NRXN3: variants seen among roughly 807,000 people sequenced by gnomAD.
NRXN3 encodes neurexin 3.
Under a neutral mutation model 137.6 loss-of-function variants are expected in NRXN3, and 32 were observed. That is an observed-to-expected ratio of 0.23 (90% CI 0.18 to 0.31). The LOEUF (loss-of-function observed/expected upper bound fraction) is 0.31. Ranked by LOEUF, NRXN3 falls within the 10% of genes least tolerant of loss-of-function variation. The pLI is 1.00. For missense variants in NRXN3, 1,574 were observed against 2,062.5 expected (o/e 0.76, Z 4.59); for synonymous variants, 798 against 784.5 (o/e 1.02, Z -0.29).
rs182221417 is a variant in NRXN3, at chr14:78,504,792, G to A, written c.758-140328G>A. On this transcript the variant is annotated intron_variant, in intron 4 of 20. Transcript: ENST00000335750. ...TATCTATGTGCTTTCAGTGCTTAAC[G>A]TATACTGTGTGAAATAGTCCTCATA... Among the ~76,000 whole-genome samples, 487 of 152,182 alleles carry A rather than the reference G, an allele frequency of 3.2e-3. 9 individuals are homozygous for A. Among genetic ancestry groups the A allele is most frequent in the African/African-American group, 0.011 (465 of 41,536 alleles).
chr14:79,148,494 A>AG (rs2153022867), intron 15 of NRXN3, among the ~76,000 whole-genome samples: 1 of 152,240 alleles, frequency 6.6e-6, no homozygotes, highest in South Asian at 2.1e-4. Context: ...AGCCTGTTGG[A>AG]CACATTGTTA....
intron 16 of NRXN3, among the ~76,000 whole-genome samples, chr14:79,540,638 T>A (rs1455642631): frequency 1.3e-5 from 2 of 151,946 alleles, no homozygotes; most frequent in African/African-American, 4.8e-5. Context: ...AATACAAAAG[T>A]AAAATAGCCT....
intron 15 of NRXN3, among the ~76,000 whole-genome samples, chr14:79,358,572 A>AC (rs2093523186): frequency 7.3e-6 from 1 of 137,872 alleles, no homozygotes; most frequent in African/African-American, 2.6e-5. Context: ...AAAAAAAAAA[A>AC]AAGAAAGAAA....
At chr14:79,418,726 T>C (rs1290809494) in intron 15 of NRXN3, among the ~76,000 whole-genome samples, 1 of 152,146 alleles carries the variant, frequency 6.6e-6, no homozygotes, top group Non-Finnish European at 1.5e-5. Flanking sequence ...CTCGTGGCAG[T>C]AGAAGCTAAA....
chr14:79,249,340 T>C lies in NRXN3; in HGVS notation c.3263-217881T>C, dbSNP rs534398279. 2.6e-5 allele frequency among the ~76,000 whole-genome samples: 4 copies of C among 152,114 alleles called. 1 individual carries two copies. In the South Asian group the frequency reaches 8.3e-4, roughly 32 times the overall value. ...GAGTTACAAAACAAAAACTTGGAAG[T>C]GGGAGGGGCATAGCAATCAGGGTCC... On this transcript the variant is annotated intron_variant, in intron 15 of 20. Coordinates refer to ENST00000335750, the MANE Select transcript of NRXN3 (RefSeq NM_001330195.2).
intron 4 of NRXN3, among the ~76,000 whole-genome samples, chr14:78,419,954 C>CGT (rs144423032): frequency 2.3e-3 from 36 of 15,702 alleles, no homozygotes; most frequent in African/African-American, 7.6e-3. Context: ...TGCGCGCGCG[C>CGT]GCGCACGCAC....
At chr14:79,216,349 T>C (rs998108708) in intron 15 of NRXN3, among the ~76,000 whole-genome samples, 1 of 152,126 alleles carries the variant, frequency 6.6e-6, no homozygotes, top group Non-Finnish European at 1.5e-5. Flanking sequence ...TTCTGACCTA[T>C]CCTCTGGAGG....
chr14:78,699,134 G>T (rs1044833401), intron 6 of NRXN3, among the ~76,000 whole-genome samples: 1 of 152,024 alleles, frequency 6.6e-6, no homozygotes, highest in Non-Finnish European at 1.5e-5. Flanking sequence ...AGCACAATGT[G>T]ATAGATACAA....
chr14:78,314,881 CTTT>C (rs1567234115), intron 4 of NRXN3, among the ~76,000 whole-genome samples: 4,635 of 95,126 alleles, frequency 0.049, 142 homozygotes, highest in East Asian at 0.057. Flanking sequence ...CTTTTCCGTT[CTTT>C]CTTTCTTTCT....
rs74067161 is a variant in NRXN3, at chr14:78,888,525, A to C, written c.2276-68717A>C. ...TTAAAACAAAAATTTTCCTACTGTCAGGGAAACTAAGTTTTCCTTTTCTTT... is the reference window on the plus strand; with the variant it reads ...TTAAAACAAAAATTTTCCTACTGTCCGGGAAACTAAGTTTTCCTTTTCTTT... On this transcript the variant is annotated intron_variant, in intron 10 of 20. Coordinates refer to ENST00000335750, the MANE Select transcript of NRXN3 (RefSeq NM_001330195.2). 4.9e-3 allele frequency among the ~76,000 whole-genome samples: 746 copies of C among 152,202 alleles called. 7 individuals carry two copies. Among genetic ancestry groups the C allele is most frequent in the African/African-American group, 0.017 (692 of 41,552 alleles).
chr14:78,296,318 G>C (rs553267243), intron 3 of NRXN3, among the ~76,000 whole-genome samples: 7 of 151,928 alleles, frequency 4.6e-5, no homozygotes, highest in Non-Finnish European at 7.4e-5. Context: ...CTCCTGCTTT[G>C]GTCTCCCAAA....
chr14:79,473,758 G>A (rs1490203302), intron 16 of NRXN3, among the ~76,000 whole-genome samples: 1 of 147,222 alleles, frequency 6.8e-6, no homozygotes, highest in Non-Finnish European at 1.5e-5. Flanking sequence ...TGTTCTTAGT[G>A]AAAAAGACCT....
chr14:78,474,401 T>G (rs2095340709), intron 4 of NRXN3, among the ~76,000 whole-genome samples: 1 of 152,156 alleles, frequency 6.6e-6, no homozygotes, highest in Non-Finnish European at 1.5e-5. Context: ...TTATATTAAC[T>G]GCTAAAAGGC....
At chr14:78,700,580 C>T (rs1462958438) in intron 6 of NRXN3, among the ~76,000 whole-genome samples, 2 of 152,032 alleles carry the variant, frequency 1.3e-5, no homozygotes, top group African/African-American at 4.8e-5. Context: ...AGAACTACAC[C>T]CCCTACTTGC....
intron 15 of NRXN3, among the ~76,000 whole-genome samples, chr14:79,143,455 T>G (rs1240215342): frequency 6.6e-6 from 1 of 152,196 alleles, no homozygotes; most frequent in African/African-American, 2.4e-5. Flanking sequence ...GTCTCATAAT[T>G]TTCACCTTTG....
chr14:78,179,462 G>A (rs550890328), intron 1 of NRXN3, among the ~76,000 whole-genome samples: 1 of 152,316 alleles, frequency 6.6e-6, no homozygotes, highest in South Asian at 2.1e-4. Flanking sequence ...TTTCTGGGTG[G>A]AGGAAAGGGA....
chr14:78,940,245 G>GT (rs1401788444), intron 10 of NRXN3, among the ~76,000 whole-genome samples: 1 of 152,182 alleles, frequency 6.6e-6, no homozygotes, highest in African/African-American at 2.4e-5. Flanking sequence ...TGGAGCACTA[G>GT]TTCTGCACAT....
intron 10 of NRXN3, among the ~76,000 whole-genome samples, chr14:78,940,244 A>G (rs992982632): frequency 3.9e-5 from 6 of 152,216 alleles, no homozygotes; most frequent in African/African-American, 1.4e-4. Flanking sequence ...CTGGAGCACT[A>G]GTTCTGCACA....
At chr14:78,815,128 C>T (rs550753651) in intron 10 of NRXN3, among the ~76,000 whole-genome samples, 1 of 152,286 alleles carries the variant, frequency 6.6e-6, no homozygotes, top group East Asian at 1.9e-4. Context: ...GTAACAGTGT[C>T]TCTCTCACTA....
Sources: gnomAD v4.1 joint callset for allele counts (sites outside exome capture counted in the v4.1 genomes callset) on GRCh38, gnomAD v4.1.1 for gene constraint, MANE v1.5 for transcripts, NCBI Gene and HGNC (gene_info 2026-07-23, HGNC 2026-07-21) for gene names.